DDB1: variants seen among roughly 807,000 people sequenced by gnomAD.
DDB1 encodes DNA damage-binding protein 1.
A neutral mutation model predicts 133.1 loss-of-function variants in DDB1; 18 were observed. The observed-to-expected ratio is 0.14, with a 90% CI of 0.09 to 0.20. The LOEUF (loss-of-function observed/expected upper bound fraction) is 0.20. Among genes scored for constraint, DDB1 ranks in the 10% least tolerant of loss-of-function variants. DDB1 has a pLI of 1.00. For missense variants in DDB1, 828 were observed against 1,459.2 expected (o/e 0.57, Z 7.05); for synonymous variants, 580 against 550.5 (o/e 1.05, Z -0.75).
chr11:61,309,431 AAC>A (rs1855926587), intron 20 of DDB1, among the ~76,000 whole-genome samples: 2 of 152,164 alleles, frequency 1.3e-5, no homozygotes, highest in Admixed American at 6.5e-5. Context: ...TTAAAATATA[AAC>A]ACAGAGTTGA....
At chr11:61,319,561 A>G (rs1285409293) in intron 10 of DDB1, among the ~76,000 whole-genome samples, 1 of 151,884 alleles carries the variant, frequency 6.6e-6, no homozygotes, top group Non-Finnish European at 1.5e-5. Flanking sequence ...CCTCCCGAGT[A>G]GCTGGGACTA....
chr11:61,330,716 C>T (rs764828918), intron 2 of DDB1, among the ~76,000 whole-genome samples: 5 of 151,464 alleles, frequency 3.3e-5, no homozygotes, highest in Non-Finnish European at 5.9e-5. Context: ...GGGCAATGGG[C>T]GCCATCTCCA....
chr11:61,316,961 A>G lies in DDB1; in HGVS notation c.1226-394T>C, dbSNP rs1169079694. Among the ~76,000 whole-genome samples, 65 of 30,420 alleles carry G rather than the reference A, an allele frequency of 2.1e-3. 8 individuals are homozygous for G. Among genetic ancestry groups the G allele is most frequent in the African/African-American group, 4.8e-3 (63 of 13,170 alleles). 20.0% of individuals were successfully genotyped at this position (30,420 alleles called of 152,430 possible). A position where few individuals can be genotyped will look rare whatever the true frequency, so the allele number is the denominator to read the frequency against. On this transcript the variant is annotated intron_variant, in intron 10 of 26. Transcript: ENST00000301764. ...AAAAAGGATAGATATATATATATAT[A>G]TATATATATATATATATATATATAT...
intron 1 of DDB1, chr11:61,332,594 C>T: frequency 3.3e-6 from 1 of 300,880 alleles, no homozygotes; most frequent in Non-Finnish European, 6.1e-6. Context: ...CCACAGAAAG[C>T]CAATCTCCGG....
intron 10 of DDB1, among the ~76,000 whole-genome samples, chr11:61,319,699 G>C (rs1856146605): frequency 6.6e-6 from 1 of 152,132 alleles, no homozygotes; most frequent in African/African-American, 2.4e-5. Flanking sequence ...CAAAGTGCTG[G>C]GATTACAGGC....
chr11:61,331,358 T>C (rs1457168260), intron 2 of DDB1, among the ~76,000 whole-genome samples, 185 bp downstream of exon 2: 3 of 152,080 alleles, frequency 2.0e-5, no homozygotes, highest in Admixed American at 6.5e-5. Context: ...ATGCCTACAA[T>C]ACCCCAGCTA....
intron 7 of DDB1, 123 bp from the exon 8 acceptor site, chr11:61,323,217 T>C (rs774797450): frequency 2.6e-6 from 2 of 780,892 alleles, no homozygotes; most frequent in Admixed American, 2.2e-5. Context: ...AGAACAGTTC[T>C]GTTTCAAATT....
chr11:61,314,573 G>A (rs1473527251), intron 12 of DDB1, 87 bp from the exon 13 acceptor site: 1 of 1,320,128 alleles, frequency 7.6e-7, no homozygotes, highest in East Asian at 2.4e-5. Flanking sequence ...AGCCCTAATA[G>A]AGCCCTACGA....
chr11:61,306,217 G>A (rs1855880881), intron 21 of DDB1, among the ~76,000 whole-genome samples: 1 of 152,118 alleles, frequency 6.6e-6, no homozygotes. Flanking sequence ...CCACTTCTCT[G>A]GGCAAACCCT....
chr11:61,323,244 CA>C (rs1856214813), intron 7 of DDB1, 150 bp from the exon 8 acceptor site: 7 of 669,956 alleles, frequency 1.0e-5, no homozygotes, highest in Non-Finnish European at 1.9e-5. Context: ...TCACACTAAG[CA>C]AATGTTTCTA....
At chr11:61,331,226 A>G (rs1462421249) in intron 2 of DDB1, among the ~76,000 whole-genome samples, 2 of 152,220 alleles carry the variant, frequency 1.3e-5, no homozygotes, top group South Asian at 2.1e-4. Context: ...AAGCTTGGTC[A>G]AGAGTACATA....
chr11:61,308,881 T>C, intron 21 of DDB1, 102 bp downstream of exon 21: 1 of 1,158,654 alleles, frequency 8.6e-7, no homozygotes, highest in Non-Finnish European at 1.3e-6. Context: ...TTTGTTCTCC[T>C]TCAGATCTGA....
Position 61,321,773 on chromosome 11 carries a change from C to T in DDB1, c.1123-76G>A, listed in dbSNP as rs1002547008. ...GTCATACTGATGCCCAGAAAGTAAA[C>T]ACGGTATACCTAAATCCAAGAACCT... On this transcript the variant is annotated intron_variant, in intron 9 of 26. Coordinates refer to ENST00000301764, the MANE Select transcript of DDB1 (RefSeq NM_001923.5). 4 of 1,256,040 alleles carry T rather than the reference C, an allele frequency of 3.2e-6. No homozygotes were observed. The African/African-American group carries it at 4.4e-5, about 14-fold the overall frequency. 77.8% of individuals were successfully genotyped at this position (1,256,040 alleles called of 1,614,324 possible).
At chr11:61,322,049 C>T in intron 9 of DDB1, 1 of 546,804 alleles carries the variant, frequency 1.8e-6, no homozygotes, top group Non-Finnish European at 3.2e-6. Context: ...CCCTAATTTT[C>T]CTCACTTCTG....
chr11:61,322,218 C>T, intron 9 of DDB1, 78 bp downstream of exon 9: 1 of 1,132,264 alleles, frequency 8.8e-7, no homozygotes, highest in Non-Finnish European at 1.3e-6. Context: ...GCACCCTCCC[C>T]ATTCTAGATA....
In DDB1 at chr11:61,309,685, T is replaced by C. The variant is rs572991451; in HGVS notation, c.2566+111A>G. 176 of 1,168,584 alleles carry C rather than the reference T, an allele frequency of 1.5e-4. 2 individuals carry two copies. Among genetic ancestry groups the C allele is most frequent in the African/African-American group, 1.5e-5 (1 of 65,014 alleles). The allele number at this position is 1,168,584 out of a possible 1,614,324, so 72.4% of individuals were successfully genotyped here. A position where few individuals can be genotyped will look rare whatever the true frequency, so the allele number is the denominator to read the frequency against. On this transcript the variant is annotated intron_variant, in intron 20 of 26. Transcript: ENST00000301764. Reference sequence around the variant, plus strand: ...AGAAGAGAATAGCTCTTTACAGCAATGAACCCAACTTCTTCTACTGCTTAA... The same window carrying C: ...AGAAGAGAATAGCTCTTTACAGCAACGAACCCAACTTCTTCTACTGCTTAA...
rs1358566347 is a variant in DDB1, at chr11:61,322,034, C to T, written c.1122+262G>A. 9.2e-6 allele frequency: 5 copies of T among 542,436 alleles called. No individual in the cohort carries two copies. In the East Asian group the frequency reaches 1.4e-4, roughly 16 times the overall value. The allele number at this position is 542,436 out of a possible 1,614,324, so 33.6% of individuals were successfully genotyped here. A position where few individuals can be genotyped will look rare whatever the true frequency, so the allele number is the denominator to read the frequency against. On this transcript the variant is annotated intron_variant, in intron 9 of 26. Coordinates refer to ENST00000301764, the MANE Select transcript of DDB1 (RefSeq NM_001923.5). ...CTTTGGAAAAAGTTACTTAATCTTTCTCAGCCCTAATTTTCCTCACTTCTG... is the reference window on the plus strand; with the variant it reads ...CTTTGGAAAAAGTTACTTAATCTTTTTCAGCCCTAATTTTCCTCACTTCTG...
chr11:61,312,126 A>C, intron 16 of DDB1, 42 bp from the exon 17 acceptor site: 1 of 1,588,668 alleles, frequency 6.3e-7, no homozygotes, highest in East Asian at 2.2e-5. Flanking sequence ...AGACTCAAGG[A>C]AGGCAAAGAT....
chr11:61,319,710 A>G (rs977620458), intron 10 of DDB1, among the ~76,000 whole-genome samples: 2 of 152,182 alleles, frequency 1.3e-5, no homozygotes, highest in Admixed American at 6.5e-5. Flanking sequence ...GATTACAGGC[A>G]TGAGGCATTG....
Sources: gnomAD v4.1 joint callset for allele counts (sites outside exome capture counted in the v4.1 genomes callset) on GRCh38, gnomAD v4.1.1 for gene constraint, MANE v1.5 for transcripts, NCBI Gene and HGNC (gene_info 2026-07-23, HGNC 2026-07-21) for gene names.